PALM2AKAP2: variants seen among roughly 807,000 people sequenced by gnomAD.
The protein encoded by PALM2AKAP2 is PALM2 and AKAP2 fusion.
Under a neutral mutation model 71.5 loss-of-function variants are expected in PALM2AKAP2, and 37 were observed. That is an observed-to-expected ratio of 0.52 (90% CI 0.40 to 0.68). The LOEUF (loss-of-function observed/expected upper bound fraction) is 0.68. PALM2AKAP2 is among the 30% of genes least tolerant of loss of function. The pLI, the probability that PALM2AKAP2 is intolerant of heterozygous loss-of-function variation, is 0.00. For synonymous variants in PALM2AKAP2, 468 were observed against 478.8 expected, an observed-to-expected ratio of 0.98 and a Z score of 0.29; for missense variants, 1,224 against 1,191.8, an observed-to-expected ratio of 1.03 and a Z score of -0.40.
chr9:110,138,801 G>A (rs187017185), intron 2 of PALM2AKAP2, among the ~76,000 whole-genome samples: 1 of 152,302 alleles, frequency 6.6e-6, no homozygotes, highest in African/African-American at 2.4e-5. Context: ...TTTGGCCTTG[G>A]TTTATTATAA....
intron 1 of PALM2AKAP2, among the ~76,000 whole-genome samples, chr9:110,109,318 C>CAAAA (rs542467637): frequency 1.3e-5 from 1 of 79,620 alleles, no homozygotes; most frequent in African/African-American, 4.8e-5. Context: ...TCTTTGTCTC[C>CAAAA]AAAAAAAAAA....
At chr9:109,999,674 G>T (rs77227454) in intron 6 of PALM2AKAP2, among the ~76,000 whole-genome samples, 9 of 152,338 alleles carry the variant, frequency 5.9e-5, no homozygotes, top group Admixed American at 2.6e-4. Context: ...GGTGCTTTGC[G>T]TGGAGAACGG....
rs1829848258 is a variant in PALM2AKAP2, at chr9:109,881,453, A to G, written c.257+772A>G. Among the ~76,000 whole-genome samples, 5 of 152,186 alleles carry G rather than the reference A, an allele frequency of 3.3e-5. No individual in the cohort carries two copies. The South Asian group carries it at 8.3e-4, about 25-fold the overall frequency. On this transcript the variant is annotated intron_variant, in intron 3 of 9. Coordinates refer to the PALM2AKAP2 transcript ENST00000302798. Reference sequence around the variant, plus strand: ...CTGTATTTGGTCAATTCGAAATGTGAAAACTGTAGTCAACAGTCTTGGGAT... The same window carrying G: ...CTGTATTTGGTCAATTCGAAATGTGGAAACTGTAGTCAACAGTCTTGGGAT...
chr9:110,066,036 C>G (rs763999112), intron 1 of PALM2AKAP2, among the ~76,000 whole-genome samples: 24 of 152,330 alleles, frequency 1.6e-4, no homozygotes, highest in Admixed American at 5.9e-4. Flanking sequence ...CTCCAGGCAT[C>G]AAAAGAGTTC....
intron 1 of PALM2AKAP2, among the ~76,000 whole-genome samples, chr9:109,805,056 C>G (rs2131414179): frequency 6.6e-6 from 1 of 152,244 alleles, no homozygotes; most frequent in Non-Finnish European, 1.5e-5. Context: ...TTTTAATTGG[C>G]TACGTAATTG....
intron 1 of PALM2AKAP2, among the ~76,000 whole-genome samples, chr9:109,727,420 A>G (rs943678671): frequency 6.6e-6 from 1 of 152,176 alleles, no homozygotes; most frequent in Non-Finnish European, 1.5e-5. Context: ...CTGTTTCCTC[A>G]CCAGTCAATT....
At chr9:110,125,482 TTCCG>T (rs1195859223) in intron 1 of PALM2AKAP2, 1 of 984,858 alleles carries the variant, frequency 1.0e-6, no homozygotes, top group East Asian at 1.1e-4. Flanking sequence ...CATCACAGTC[TTCCG>T]TCAGGAGGCT....
intron 1 of PALM2AKAP2, among the ~76,000 whole-genome samples, chr9:110,049,256 G>A (rs1833662082): frequency 6.6e-6 from 1 of 152,226 alleles, no homozygotes; most frequent in South Asian, 2.1e-4. Flanking sequence ...CGGGAGCACC[G>A]GGAGGTGCAG....
rs115186388 is a variant in PALM2AKAP2, at chr9:109,884,569, C to T, written c.257+3888C>T. Among the ~76,000 whole-genome samples the T allele has an allele frequency of 1.9e-3, 282 of 152,206 alleles. 3 individuals carry two copies. The highest frequency in any genetic ancestry group is 6.4e-3 in the African/African-American group (265 of 41,538). On this transcript the variant is annotated intron_variant, in intron 3 of 9. Transcript: ENST00000302798. ...ATGAGTGACTTCAAGATCAAATTTGCGATCTGATCTTTATATAATAGGAAT... is the reference window on the plus strand; with the variant it reads ...ATGAGTGACTTCAAGATCAAATTTGTGATCTGATCTTTATATAATAGGAAT...
chr9:110,074,328 T>C (rs1834272001), intron 1 of PALM2AKAP2, among the ~76,000 whole-genome samples: 1 of 151,860 alleles, frequency 6.6e-6, no homozygotes. Flanking sequence ...CTCAAATAAA[T>C]AAGTAAGTAA....
intron 1 of PALM2AKAP2, chr9:109,640,879 G>A (rs1827055751): frequency 2.0e-6 from 3 of 1,515,926 alleles, no homozygotes; most frequent in East Asian, 2.6e-5. Flanking sequence ...GAGTATCCCC[G>A]AGCCGCGCCG....
At chr9:109,726,762 T>C (rs1260145617) in intron 1 of PALM2AKAP2, among the ~76,000 whole-genome samples, 6 of 152,188 alleles carry the variant, frequency 3.9e-5, no homozygotes, top group Non-Finnish European at 7.3e-5. Context: ...TCTAGAACTG[T>C]ATAGTCAAAT....
intron 3 of PALM2AKAP2, among the ~76,000 whole-genome samples, chr9:109,889,684 A>G (rs1587987675): frequency 1.3e-5 from 2 of 152,254 alleles, no homozygotes; most frequent in Non-Finnish European, 2.9e-5. Flanking sequence ...CATGTGTGTT[A>G]CTTAGCAACA....
At chr9:109,730,918 G>T (rs1276664802) in intron 1 of PALM2AKAP2, among the ~76,000 whole-genome samples, 1 of 151,624 alleles carries the variant, frequency 6.6e-6, no homozygotes, top group African/African-American at 2.4e-5. Context: ...AAAAAAAAAG[G>T]ATAACATAAC....
intron 3 of PALM2AKAP2, among the ~76,000 whole-genome samples, chr9:109,901,140 G>A (rs536411570): frequency 7.6e-4 from 115 of 152,306 alleles, no homozygotes; most frequent in African/African-American, 2.6e-3. Flanking sequence ...TCAGCCTCAA[G>A]TAGTATCCCA....
At chr9:109,693,121 G>T (rs1012797178) in intron 1 of PALM2AKAP2, among the ~76,000 whole-genome samples, 17 of 152,054 alleles carry the variant, frequency 1.1e-4, no homozygotes, top group African/African-American at 3.9e-4. Flanking sequence ...TTCTTTGTGA[G>T]AATGTTTCCA....
chr9:110,078,063 T>C (rs993079034), intron 1 of PALM2AKAP2, among the ~76,000 whole-genome samples: 3 of 151,582 alleles, frequency 2.0e-5, no homozygotes, highest in Admixed American at 6.6e-5. Context: ...TTGCAGGCCA[T>C]ATGGTCTCTG....
chr9:109,887,287 T>C (rs1163962035), intron 3 of PALM2AKAP2, among the ~76,000 whole-genome samples: 1 of 152,250 alleles, frequency 6.6e-6, no homozygotes, highest in East Asian at 1.9e-4. Context: ...TTGAGATTCA[T>C]TGTGTTCTTC....
rs776340889 is a variant in PALM2AKAP2, at chr9:110,136,482, G to A, written c.512G>A (p.Gly171Asp). 3 of 1,614,160 alleles carry A rather than the reference G, an allele frequency of 1.9e-6. No individual in the cohort carries two copies. Among genetic ancestry groups the A allele is most frequent in the Non-Finnish European group, 2.5e-6 (3 of 1,180,040 alleles). The change falls in exon 2 of 4, where the codon GGT becomes GAT. Residue 171 changes from glycine (G) to aspartate (D), a missense_variant. Physicochemically the swap from Gly to Asp is moderately conservative, Grantham distance 94. Transcript: ENST00000374525. ...AATGGAACATCCTCCCCAGAGCCTG[G>A]TGCAGTGGTTCTGGTGGGCGGCCTA...
Sources: allele counts gnomAD v4.1 joint callset (sites outside exome capture counted in the v4.1 genomes callset), GRCh38; gene constraint gnomAD v4.1.1; transcripts MANE v1.5; gene names NCBI Gene and HGNC (gene_info 2026-07-23, HGNC 2026-07-21).